Variants in SETBP1 observed in about 807,000 individuals in gnomAD.
The protein encoded by SETBP1 is SET binding protein 1.
In SETBP1, 9 loss-of-function variants were observed where a neutral mutation model predicts 101.0. The observed-to-expected ratio is 0.09, with a 90% CI of 0.05 to 0.16. The LOEUF is 0.16. Ranked by LOEUF, SETBP1 falls within the 10% of genes least tolerant of loss-of-function variation. The pLI, the probability that SETBP1 is intolerant of heterozygous loss-of-function variation, is 1.00. For synonymous variants in SETBP1, 818 were observed against 788.5 expected, an observed-to-expected ratio of 1.04 and a Z score of -0.63; for missense variants, 1,858 against 2,033.8, an observed-to-expected ratio of 0.91 and a Z score of 1.66.
intron 2 of SETBP1, among the ~76,000 whole-genome samples, chr18:44,720,319 T>G (rs2069559029): frequency 6.8e-6 from 1 of 147,454 alleles, no homozygotes. Context: ...TTCCTATAAC[T>G]AACTAAGTAT....
chr18:44,983,589 T>G lies in SETBP1; in HGVS notation c.4000+30249T>G, dbSNP rs561426650. Reference sequence around the variant, plus strand: ...GTAGGAGCAGATTTTCAAGTCTCATTTTCAGTCCCTCCTGCTGCAGCAGCA... The same window carrying G: ...GTAGGAGCAGATTTTCAAGTCTCATGTTCAGTCCCTCCTGCTGCAGCAGCA... On this transcript the variant is annotated intron_variant, in intron 4 of 5. Transcript: ENST00000649279. Among the ~76,000 whole-genome samples the G allele has an allele frequency of 5.6e-4, 86 of 152,252 alleles. 1 individual carries two copies. Among genetic ancestry groups the G allele is most frequent in the East Asian group, 2.3e-3 (12 of 5,172 alleles).
intron 3 of SETBP1, among the ~76,000 whole-genome samples, chr18:44,942,013 G>T (rs756083171): frequency 2.6e-5 from 4 of 152,116 alleles, no homozygotes; most frequent in African/African-American, 9.7e-5. Context: ...TCTGGATATT[G>T]TGGATGCTAT....
intron 4 of SETBP1, among the ~76,000 whole-genome samples, chr18:44,966,259 C>T (rs1200036234): frequency 6.6e-6 from 1 of 152,196 alleles, no homozygotes; most frequent in Non-Finnish European, 1.5e-5. Flanking sequence ...GTTTCCTGAT[C>T]ATCTTCAAGT....
intron 3 of SETBP1, among the ~76,000 whole-genome samples, chr18:44,886,851 G>A (rs779537496): frequency 3.0e-4 from 45 of 151,688 alleles, no homozygotes; most frequent in Admixed American, 1.3e-4. Flanking sequence ...GCATTGTAAA[G>A]TCCCAAAGAG....
At chr18:44,983,421 C>T (rs1315825975) in intron 4 of SETBP1, among the ~76,000 whole-genome samples, 1 of 152,070 alleles carries the variant, frequency 6.6e-6, no homozygotes, top group Non-Finnish European at 1.5e-5. Flanking sequence ...ACTCTTACCC[C>T]CATTATACAA....
At chr18:44,802,563 AG>A (rs1427450065) in intron 2 of SETBP1, among the ~76,000 whole-genome samples, 37 of 152,260 alleles carry the variant, frequency 2.4e-4, no homozygotes, top group African/African-American at 8.7e-4. Context: ...CTTAGATTCC[AG>A]GTGTATCTTC....
chr18:44,687,908 G>A (rs1440287237), intron 1 of SETBP1, among the ~76,000 whole-genome samples: 1 of 152,156 alleles, frequency 6.6e-6, no homozygotes, highest in African/African-American at 2.4e-5. Flanking sequence ...ATTGCAGCCT[G>A]TGTTCAATAA....
intron 2 of SETBP1, among the ~76,000 whole-genome samples, chr18:44,801,355 G>A (rs1170528393): frequency 1.3e-5 from 2 of 152,160 alleles, no homozygotes; most frequent in African/African-American, 4.8e-5. Context: ...GTTCTAGGCA[G>A]CTACTCTTGT....
chr18:44,871,026 A>T (rs1029924263), intron 3 of SETBP1: 24 of 152,370 alleles, frequency 1.6e-4, no homozygotes, highest in African/African-American at 5.3e-4. Context: ...CACAGCTTCC[A>T]GTGCAGATGG....
At chr18:44,703,177 G>A (rs577137065) in intron 2 of SETBP1, among the ~76,000 whole-genome samples, 1 of 152,060 alleles carries the variant, frequency 6.6e-6, no homozygotes, top group African/African-American at 2.4e-5. Context: ...TGTTGACAGA[G>A]TTTTGGGGTT....
At chr18:44,939,965 T>A (rs1002899130) in intron 3 of SETBP1, among the ~76,000 whole-genome samples, 1 of 152,220 alleles carries the variant, frequency 6.6e-6, no homozygotes, top group Non-Finnish European at 1.5e-5. Context: ...TTAGGAAATT[T>A]GTTCGGCAAT....
intron 3 of SETBP1, among the ~76,000 whole-genome samples, chr18:44,892,785 G>A (rs1177119798): frequency 1.3e-5 from 2 of 151,970 alleles, no homozygotes; most frequent in Non-Finnish European, 2.9e-5. Flanking sequence ...GCAGTTATCA[G>A]AACTCCCTTA....
chr18:44,692,972 C>T (rs1248795429), intron 1 of SETBP1, among the ~76,000 whole-genome samples: 1 of 152,124 alleles, frequency 6.6e-6, no homozygotes, highest in East Asian at 1.9e-4. Context: ...CACACAAGTG[C>T]AGAGTATAAA....
intron 3 of SETBP1, among the ~76,000 whole-genome samples, chr18:44,879,864 G>T (rs2144731744): frequency 6.6e-6 from 1 of 152,236 alleles, no homozygotes; most frequent in East Asian, 1.9e-4. Context: ...AGCACTTTCT[G>T]AACTAACATT....
chr18:45,043,245 C>T (rs1485422425), intron 5 of SETBP1, among the ~76,000 whole-genome samples: 1 of 151,978 alleles, frequency 6.6e-6, no homozygotes. Context: ...TAAGTAGATT[C>T]CAAATGGTGG....
At chr18:45,043,363 T>TCTCTCACA (rs143126603) in intron 5 of SETBP1, among the ~76,000 whole-genome samples, 95,249 of 149,414 alleles carry the variant, frequency 0.64, 32,052 homozygotes, top group Non-Finnish European at 0.76. Context: ...TCTCTCTCTC[T>TCTCTCACA]CTCACACACT....
intron 2 of SETBP1, among the ~76,000 whole-genome samples, chr18:44,843,023 C>T (rs1235701011): frequency 2.0e-5 from 3 of 152,228 alleles, no homozygotes; most frequent in Non-Finnish European, 2.9e-5. Context: ...CCAAAGAGAC[C>T]GATAGCAGCC....
At chr18:44,893,109 AAC>A (rs1659521136) in intron 3 of SETBP1, among the ~76,000 whole-genome samples, 1 of 152,170 alleles carries the variant, frequency 6.6e-6, no homozygotes, top group Non-Finnish European at 1.5e-5. Context: ...AAATGACATT[AAC>A]AGTCCCTTTT....
intron 2 of SETBP1, among the ~76,000 whole-genome samples, chr18:44,804,030 G>A (rs1282112891): frequency 3.3e-5 from 5 of 152,088 alleles, no homozygotes; most frequent in African/African-American, 9.7e-5. Context: ...AAGGTAAGAG[G>A]TTGTGTCTGC....
Sources: allele counts gnomAD v4.1 joint callset (sites outside exome capture counted in the v4.1 genomes callset), GRCh38; gene constraint gnomAD v4.1.1; transcripts MANE v1.5; gene names NCBI Gene and HGNC (gene_info 2026-07-23, HGNC 2026-07-21).